DYNC2H1: variants seen among roughly 807,000 people sequenced by gnomAD.
The protein encoded by DYNC2H1 is dynein cytoplasmic 2 heavy chain 1.
DYNC2H1 carries 410 observed loss-of-function variants against 570.0 expected under a neutral mutation model. That is an observed-to-expected ratio of 0.72 (90% CI 0.66 to 0.78). The LOEUF (loss-of-function observed/expected upper bound fraction) is 0.78, where lower values mean the gene tolerates loss of function less well. Ranked by LOEUF, DYNC2H1 falls within the 30% of genes least tolerant of loss-of-function variation. DYNC2H1 has a pLI of 0.00. For missense variants in DYNC2H1, 4,865 were observed against 5,046.4 expected, an observed-to-expected ratio of 0.96 and a Z score of 1.09; for synonymous variants, 1,688 against 1,677.6, an observed-to-expected ratio of 1.01 and a Z score of -0.15.
intron 63 of DYNC2H1, among the ~76,000 whole-genome samples, chr11:103,238,193 A>C (rs1864294175): frequency 6.6e-6 from 1 of 152,116 alleles, no homozygotes; most frequent in East Asian, 1.9e-4. Context: ...GTAAATATAT[A>C]TTAGTTGGGC....
Position 103,215,773 on chromosome 11 carries a change from GA to G in DYNC2H1, c.8751del (p.Ala2918LeufsTer21). 2 of 1,611,912 alleles carry G rather than the reference GA, an allele frequency of 1.2e-6. No homozygotes were observed. The highest frequency in any genetic ancestry group is 1.7e-6 in the Non-Finnish European group (2 of 1,178,806). On this transcript the variant is annotated frameshift_variant, in exon 55 of 89. Transcript: ENST00000375735. LOFTEE classifies it high-confidence loss of function. ...EAKALVDELNRKAGEQSVLLK... is the reference protein window; with the variant it reads ...EAKALVDELNXKAGEQSVLLK... ...AAAGCTCTTGTGGATGAACTGAACA[GA>G]AAAGCTGGAGAACAAAGTGTGTTAC...
chr11:103,270,307 G>A (rs560500988), intron 70 of DYNC2H1, among the ~76,000 whole-genome samples: 32 of 152,008 alleles, frequency 2.1e-4, no homozygotes, highest in East Asian at 5.8e-4. Flanking sequence ...AAGACACCCC[G>A]CATGGGTGCC....
At chr11:103,172,198 C>A (rs987248116) in intron 34 of DYNC2H1, among the ~76,000 whole-genome samples, 1 of 152,096 alleles carries the variant, frequency 6.6e-6, no homozygotes, top group Non-Finnish European at 1.5e-5. Flanking sequence ...GTGAGAATTA[C>A]CTGCCTTCAA....
At chr11:103,132,126 A>G (rs944546522) in intron 13 of DYNC2H1, among the ~76,000 whole-genome samples, 1 of 152,002 alleles carries the variant, frequency 6.6e-6, no homozygotes, top group African/African-American at 2.4e-5. Flanking sequence ...AAATCCTTGG[A>G]AGCTAATATA....
In DYNC2H1 at chr11:103,241,253, T is replaced by C. The variant is rs1864412458; in HGVS notation, c.9820-2440T>C. 6.6e-6 allele frequency among the ~76,000 whole-genome samples: 1 copy of C among 152,202 alleles called. No individual in the cohort carries two copies. The highest frequency in any genetic ancestry group is 1.5e-5 in the Non-Finnish European group (1 of 68,026). On this transcript the variant is annotated intron_variant, in intron 63 of 88. Coordinates refer to ENST00000375735, the MANE Select transcript of DYNC2H1 (RefSeq NM_001377.3). The surrounding 1 kb of genome is among the most constrained non-coding windows in gnomAD (Gnocchi z 5.1). ...ACTCCTTGTACTATCTTACTATAGT[T>C]GTTATCCAACATATAGTAGATGAAG... is the stretch of plus-strand genomic sequence containing the variant.
intron 30 of DYNC2H1, among the ~76,000 whole-genome samples, chr11:103,165,476 C>T (rs1861267170): frequency 6.6e-6 from 1 of 152,142 alleles, no homozygotes; most frequent in Non-Finnish European, 1.5e-5. Flanking sequence ...CTATCGTAGA[C>T]TTCAGTACTA....
rs1862031523 is a variant in DYNC2H1 at position 103,185,570 on chromosome 11, C to T, written c.6633+519C>T. On this transcript the variant is annotated intron_variant, in intron 41 of 88. Coordinates refer to ENST00000375735, the MANE Select transcript of DYNC2H1 (RefSeq NM_001377.3). This position sits in a 1 kb window ranked among gnomAD's most constrained non-coding sequence, Gnocchi z 4.5. ...CTACTGAAATTATTGGACATTTATT[C>T]CTTTGGGTTGGCTCTAACATTAACA... 7.0e-6 allele frequency among the ~76,000 whole-genome samples: 1 copy of T among 142,272 alleles called. No individual in the cohort carries two copies. Among genetic ancestry groups the T allele is most frequent in the Non-Finnish European group, 1.5e-5 (1 of 65,456 alleles). 93.3% of individuals were successfully genotyped at this position (142,272 alleles called of 152,430 possible). A position where few individuals can be genotyped will look rare whatever the true frequency, so the allele number is the denominator to read the frequency against.
At chr11:103,296,636 A>T (rs1402516541) in intron 75 of DYNC2H1, among the ~76,000 whole-genome samples, 1 of 152,096 alleles carries the variant, frequency 6.6e-6, no homozygotes, top group East Asian at 1.9e-4. Flanking sequence ...CTGTGAATGA[A>T]TGTCTTTGCT....
chr11:103,140,255 T>A (rs1859828489), intron 17 of DYNC2H1, among the ~76,000 whole-genome samples: 3 of 152,194 alleles, frequency 2.0e-5, no homozygotes, highest in Middle Eastern at 3.2e-3. Flanking sequence ...CCTGTCATTG[T>A]GATGTTAGCT....
At chr11:103,345,186 TTTCA>T (rs1384725425) in intron 82 of DYNC2H1, among the ~76,000 whole-genome samples, 4 of 152,334 alleles carry the variant, frequency 2.6e-5, no homozygotes, top group African/African-American at 9.6e-5. Flanking sequence ...TTGGCTGTTG[TTTCA>T]TTCTTTATTG....
chr11:103,347,082 A>G (rs1282095082), intron 82 of DYNC2H1, among the ~76,000 whole-genome samples: 1 of 152,290 alleles, frequency 6.6e-6, no homozygotes, highest in African/African-American at 2.4e-5. Flanking sequence ...ACCTGAACCT[A>G]ATCAAGTTTT....
intron 48 of DYNC2H1, 28 bp downstream of exon 48, chr11:103,198,091 G>A: frequency 1.3e-6 from 2 of 1,545,014 alleles, no homozygotes. Context: ...AATTGGAACT[G>A]GGATTTGGTC....
chr11:103,255,573 CT>C (rs530038696), intron 67 of DYNC2H1, 39 bp downstream of exon 67: 873 of 1,430,378 alleles, frequency 6.1e-4, no homozygotes, highest in Admixed American at 1.7e-3. Flanking sequence ...TTTCGTATTA[CT>C]TTTTTTTTAA....
At chr11:103,443,422 ATTAT>A (rs60251253) in intron 85 of DYNC2H1, among the ~76,000 whole-genome samples, 4,145 of 152,030 alleles carry the variant, frequency 0.027, 121 homozygotes, top group African/African-American at 0.069. Flanking sequence ...TGTATATTAT[ATTAT>A]TTATCTATTT....
intron 83 of DYNC2H1, among the ~76,000 whole-genome samples, chr11:103,397,097 C>T (rs1038186693): frequency 6.6e-6 from 1 of 152,130 alleles, no homozygotes; most frequent in Admixed American, 6.5e-5. Context: ...GAAACCTGCA[C>T]TTGTGTCTAA....
At chr11:103,304,878 G>A (rs1267234869) in intron 77 of DYNC2H1, among the ~76,000 whole-genome samples, 158 bp downstream of exon 77, 1 of 152,038 alleles carries the variant, frequency 6.6e-6, no homozygotes, top group African/African-American at 2.4e-5. Context: ...GTACAATTCT[G>A]CAAAATAAGA....
At chr11:103,117,246 AAT>A (rs1437781024) in intron 5 of DYNC2H1, among the ~76,000 whole-genome samples, 2 of 146,646 alleles carry the variant, frequency 1.4e-5, no homozygotes, top group African/African-American at 4.9e-5. Flanking sequence ...ATATATATTT[AAT>A]ATATATATTT....
chr11:103,114,912 T>C (rs1858299667), intron 3 of DYNC2H1, among the ~76,000 whole-genome samples: 1 of 152,028 alleles, frequency 6.6e-6, no homozygotes, highest in African/African-American at 2.4e-5. Context: ...TAGACAGCAA[T>C]TTAGCACTTT....
intron 59 of DYNC2H1, among the ~76,000 whole-genome samples, chr11:103,227,464 T>C (rs1863844568): frequency 6.6e-6 from 1 of 152,194 alleles, no homozygotes; most frequent in African/African-American, 2.4e-5. Context: ...GAGCAGGTTA[T>C]TTAATTTCCA....
Sources: gnomAD v4.1 joint callset for allele counts (sites outside exome capture counted in the v4.1 genomes callset) on GRCh38, gnomAD v4.1.1 for gene constraint, Gnocchi (gnomAD v3.1) non-coding constraint, MANE v1.5 for transcripts, NCBI Gene and HGNC (gene_info 2026-07-23, HGNC 2026-07-21) for gene names.